Variants in ZC2HC1A observed in about 807,000 individuals in gnomAD.
ZC2HC1A encodes the protein zinc finger C2HC domain-containing protein 1A.
ZC2HC1A carries 28 observed loss-of-function variants against 40.7 expected under a neutral mutation model. The ratio of observed to expected loss-of-function variants is 0.69; its 90% CI spans 0.51 to 0.94. The LOEUF is 0.94. Ranked by LOEUF, ZC2HC1A falls within the 40% of genes least tolerant of loss-of-function variation. The pLI is 0.00. For synonymous variants in ZC2HC1A, 129 were observed against 129.2 expected (o/e 1.00, Z 0.01); for missense variants, 389 against 386.3 (o/e 1.01, Z -0.06).
chr8:78,691,849 G>A (rs1810223171), intron 5 of ZC2HC1A, among the ~76,000 whole-genome samples: 1 of 151,986 alleles, frequency 6.6e-6, no homozygotes, highest in African/African-American at 2.4e-5. Context: ...AGGCCTATCA[G>A]TACTCTTGAT....
In ZC2HC1A at chr8:78,701,767, T is replaced by C. The variant is rs371339488; in HGVS notation, c.704+3254T>C. Among the ~76,000 whole-genome samples the C allele has an allele frequency of 4.6e-5, 7 of 152,366 alleles. No individual in the cohort carries two copies. The South Asian group carries it at 8.3e-4, about 18-fold the overall frequency. ...AAGATAATCATGTGCTTTTTGTCTTTAATTTTGTTGTGATGAATAGCATTT... is the reference window on the plus strand; with the variant it reads ...AAGATAATCATGTGCTTTTTGTCTTCAATTTTGTTGTGATGAATAGCATTT... On this transcript the variant is annotated intron_variant, in intron 7 of 8. Transcript: ENST00000263849.
At chr8:78,703,322 A>G (rs1162376710) in intron 7 of ZC2HC1A, among the ~76,000 whole-genome samples, 6 of 152,106 alleles carry the variant, frequency 3.9e-5, no homozygotes, top group Non-Finnish European at 5.9e-5. Flanking sequence ...GGTCCTAAAT[A>G]TTTATTTGTT....
chr8:78,695,168 A>G (rs1440223711), intron 5 of ZC2HC1A, among the ~76,000 whole-genome samples: 3 of 152,212 alleles, frequency 2.0e-5, no homozygotes, highest in African/African-American at 7.2e-5. Flanking sequence ...TCTTGTCTAA[A>G]GTAATGGGAA....
At chr8:78,680,276 G>A (rs1469774419) in intron 3 of ZC2HC1A, among the ~76,000 whole-genome samples, 7 of 110,814 alleles carry the variant, frequency 6.3e-5, no homozygotes, top group Non-Finnish European at 1.0e-4. Context: ...GACAGAGCGA[G>A]ACTCCGTCTC....
intron 5 of ZC2HC1A, among the ~76,000 whole-genome samples, chr8:78,694,578 A>G (rs1810336446): frequency 6.6e-6 from 1 of 152,178 alleles, no homozygotes; most frequent in African/African-American, 2.4e-5. Flanking sequence ...TTTGGCCTGG[A>G]AATTTCTTTT....
At chr8:78,698,134 C>T (rs1810490851) in intron 6 of ZC2HC1A, among the ~76,000 whole-genome samples, 1 of 152,114 alleles carries the variant, frequency 6.6e-6, no homozygotes, top group Non-Finnish European at 1.5e-5. Context: ...CTGAACTGGG[C>T]AATTGTTCGT....
intron 1 of ZC2HC1A, among the ~76,000 whole-genome samples, chr8:78,673,282 A>G (rs1809485749): frequency 6.6e-6 from 1 of 152,184 alleles, no homozygotes; most frequent in Admixed American, 6.6e-5. Context: ...TCCATGGTAG[A>G]CATGTGCCAC....
chr8:78,710,974 A>G (rs1240769043), intron 7 of ZC2HC1A, among the ~76,000 whole-genome samples: 1 of 152,108 alleles, frequency 6.6e-6, no homozygotes, highest in East Asian at 1.9e-4. Context: ...CATTCTTTTC[A>G]GACACTAAAC....
intron 5 of ZC2HC1A, among the ~76,000 whole-genome samples, chr8:78,693,677 T>G (rs1452884698): frequency 3.3e-5 from 5 of 152,218 alleles, no homozygotes; most frequent in Non-Finnish European, 7.3e-5. Context: ...TCCCATTCTG[T>G]AGGTTGCCTG....
rs1332087199 is a variant in ZC2HC1A at position 78,719,360 on chromosome 8, G to A, written c.*1867G>A. Reference sequence around the variant, plus strand: ...ATGTTATAATGTACCACATGGAGATGAGTTGGTAAGAAATCATCTAGTTCC... The same window carrying A: ...ATGTTATAATGTACCACATGGAGATAAGTTGGTAAGAAATCATCTAGTTCC... On this transcript the variant is annotated 3_prime_UTR_variant, in exon 9 of 9. Transcript: ENST00000263849. The A allele has an allele frequency of 6.6e-6, 1 of 151,644 alleles. No homozygotes were observed. Among genetic ancestry groups the A allele is most frequent in the Non-Finnish European group, 1.5e-5 (1 of 67,650 alleles). The allele number at this position is 151,644 out of a possible 1,614,324, so 9.4% of individuals were successfully genotyped here.
In ZC2HC1A at chr8:78,697,461, T is replaced by A. The variant is rs1563632409; in HGVS notation, c.559T>A (p.Ser187Thr). 2 of 1,610,812 alleles carry A rather than the reference T, an allele frequency of 1.2e-6. No individual in the cohort carries two copies. The highest frequency in any genetic ancestry group is 2.2e-5 in the East Asian group (1 of 44,828). The change falls in exon 6 of 9, where the codon TCT becomes ACT. Residue 187 changes from serine (S) to threonine (T), a missense_variant. Transcript: ENST00000263849. ...SNSPGTASSG[S>T]SRLPQPSGAG... ...TTCTCCTGGAACTGCATCATCAGGA[T>A]CTTCACGATTACCGCAGCCAAGTGG...
intron 1 of ZC2HC1A, among the ~76,000 whole-genome samples, 186 bp downstream of exon 1, chr8:78,666,350 A>G (rs1208400628): frequency 6.6e-6 from 1 of 152,192 alleles, no homozygotes; most frequent in Admixed American, 6.5e-5. Flanking sequence ...AGCTAACGCT[A>G]CCAGGCTGCC....
At chr8:78,688,088 C>G (rs1050035985) in intron 4 of ZC2HC1A, among the ~76,000 whole-genome samples, 3 of 150,904 alleles carry the variant, frequency 2.0e-5, no homozygotes, top group African/African-American at 7.3e-5. Context: ...CCATACTTTG[C>G]GAAACCCTGT....
rs1811158672 is a variant in ZC2HC1A at position 78,717,975 on chromosome 8, T to A, written c.*482T>A. ...TTGTAATTAAAGAGAACAGTTTTAG[T>A]TACCATTAGGTATGTTAAGGTCACT... On this transcript the variant is annotated 3_prime_UTR_variant, in exon 9 of 9. Transcript: ENST00000263849. 6.6e-6 allele frequency: 1 copy of A among 152,598 alleles called. No homozygotes were observed. The highest frequency in any genetic ancestry group is 2.4e-5 in the African/African-American group (1 of 41,466). 9.5% of individuals were successfully genotyped at this position (152,598 alleles called of 1,614,324 possible).
intron 1 of ZC2HC1A, among the ~76,000 whole-genome samples, chr8:78,674,495 G>A (rs1159710990): frequency 6.6e-6 from 1 of 152,156 alleles, no homozygotes; most frequent in African/African-American, 2.4e-5. Context: ...TGGATTGTTA[G>A]TGGACTTAAG....
intron 2 of ZC2HC1A, among the ~76,000 whole-genome samples, chr8:78,677,863 T>C (rs536209497): frequency 6.6e-6 from 1 of 152,304 alleles, no homozygotes; most frequent in Non-Finnish European, 1.5e-5. Context: ...GGGTACTCCA[T>C]AGACAGAGCA....
intron 7 of ZC2HC1A, among the ~76,000 whole-genome samples, chr8:78,714,114 A>G (rs529452597): frequency 6.6e-6 from 1 of 152,238 alleles, no homozygotes; most frequent in Admixed American, 6.5e-5. Context: ...AACACTGTTC[A>G]CCTGTGAAAT....
chr8:78,717,595 C>T lies in ZC2HC1A; in HGVS notation c.*102C>T, dbSNP rs1563642845. ...CTAGTTAGTTTGTGCTAAAAATACT[C>T]GAAATACCATTTCCAGTTAATTTTG... On this transcript the variant is annotated 3_prime_UTR_variant, in exon 9 of 9. Coordinates refer to ENST00000263849, the MANE Select transcript of ZC2HC1A (RefSeq NM_016010.3). 8.7e-6 allele frequency: 11 copies of T among 1,259,942 alleles called. No individual in the cohort carries two copies. The highest frequency in any genetic ancestry group is 9.7e-6 in the Non-Finnish European group (9 of 924,286). 78.0% of individuals were successfully genotyped at this position (1,259,942 alleles called of 1,614,324 possible).
chr8:78,687,488 A>G (rs1585995464), intron 4 of ZC2HC1A, among the ~76,000 whole-genome samples: 1 of 145,010 alleles, frequency 6.9e-6, no homozygotes, highest in Admixed American at 7.1e-5. Flanking sequence ...ATATAATTAT[A>G]TATGTTTATA....
Sources: allele counts gnomAD v4.1 joint callset (sites outside exome capture counted in the v4.1 genomes callset), GRCh38; gene constraint gnomAD v4.1.1; transcripts MANE v1.5; gene names NCBI Gene and HGNC (gene_info 2026-07-23, HGNC 2026-07-21).